Variants in GPM6A observed in about 807,000 individuals in gnomAD.
GPM6A encodes the protein neuronal membrane glycoprotein M6-a.
A neutral mutation model predicts 32.1 loss-of-function variants in GPM6A; 7 were observed. That is an observed-to-expected ratio of 0.22 (90% confidence interval 0.12 to 0.41). The LOEUF (loss-of-function observed/expected upper bound fraction) is 0.41, where lower values mean the gene tolerates loss of function less well. GPM6A is among the 10% of genes least tolerant of loss of function. GPM6A has a pLI of 1.00. For synonymous variants in GPM6A, 130 were observed against 123.4 expected, an observed-to-expected ratio of 1.05 and a Z score of -0.35; for missense variants, 235 against 347.2, an observed-to-expected ratio of 0.68 and a Z score of 2.57.
At chr4:175,650,887 A>G (rs1361391846) in intron 4 of GPM6A, among the ~76,000 whole-genome samples, 1 of 152,200 alleles carries the variant, frequency 6.6e-6, no homozygotes, top group Non-Finnish European at 1.5e-5. Context: ...GTCTGTTCAG[A>G]GAAAAAATAA....
Position 175,845,929 on chromosome 4 carries a change from C to A in GPM6A, c.-22-33680G>T, listed in dbSNP as rs111238172. Among the ~76,000 whole-genome samples the A allele has an allele frequency of 8.6e-3, 1,310 of 152,130 alleles. 10 individuals are homozygous for A. The highest frequency in any genetic ancestry group is 0.015 in the Non-Finnish European group (987 of 67,954). The stretch of plus-strand genomic sequence containing the variant: ...GCCTTCAAATGTAAGTTGTACTATA[C>A]CTTTTGTCATACTTAAAAGTAGAGA... On this transcript the variant is annotated intron_variant, in intron 1 of 7. Coordinates refer to the GPM6A transcript ENST00000280187.
At chr4:175,957,587 T>C (rs1740028809) in intron 1 of GPM6A, among the ~76,000 whole-genome samples, 2 of 152,012 alleles carry the variant, frequency 1.3e-5, no homozygotes, top group South Asian at 2.1e-4. Flanking sequence ...AGGGGAGTGA[T>C]AGCATTAGGA....
intron 1 of GPM6A, among the ~76,000 whole-genome samples, chr4:175,966,141 T>G (rs968466142): frequency 1.3e-5 from 2 of 152,114 alleles, no homozygotes; most frequent in Non-Finnish European, 2.9e-5. Flanking sequence ...TTGCAGTGGC[T>G]TATGCCTGTA....
At chr4:175,884,153 G>A (rs1002254484) in intron 1 of GPM6A, among the ~76,000 whole-genome samples, 6 of 152,140 alleles carry the variant, frequency 3.9e-5, no homozygotes, top group African/African-American at 1.4e-4. Flanking sequence ...TTGAATATTT[G>A]TCAAGCATTA....
At chr4:175,962,180 G>C (rs1740188479) in intron 1 of GPM6A, 5 of 1,087,288 alleles carry the variant, frequency 4.6e-6, no homozygotes, top group Non-Finnish European at 7.1e-6. Context: ...TCGAGCACCT[G>C]CTTTCTTTGC....
At chr4:175,703,315 G>A (rs1239247042) in intron 1 of GPM6A, among the ~76,000 whole-genome samples, 1 of 152,028 alleles carries the variant, frequency 6.6e-6, no homozygotes, top group Admixed American at 6.6e-5. Flanking sequence ...GGGACTACTG[G>A]CGCACGTCAC....
intron 1 of GPM6A, among the ~76,000 whole-genome samples, chr4:175,741,612 A>G (rs1439710482): frequency 6.6e-6 from 1 of 152,112 alleles, no homozygotes; most frequent in East Asian, 1.9e-4. Context: ...GGTTCTACAC[A>G]CTACTTTATA....
chr4:175,950,106 G>T (rs532370974), intron 1 of GPM6A, among the ~76,000 whole-genome samples: 6 of 152,090 alleles, frequency 3.9e-5, no homozygotes, highest in African/African-American at 1.4e-4. Context: ...ATTTTGCAAT[G>T]AATATAAAGG....
intron 1 of GPM6A, among the ~76,000 whole-genome samples, chr4:175,719,276 G>A (rs953202357): frequency 2.4e-4 from 36 of 151,046 alleles, no homozygotes; most frequent in African/African-American, 8.5e-4. Flanking sequence ...TCAGTTCACT[G>A]CAACCTCTGC....
chr4:175,831,738 T>TTTTTTAAGG (rs1735619790), intron 1 of GPM6A, among the ~76,000 whole-genome samples: 1 of 146,372 alleles, frequency 6.8e-6, no homozygotes, highest in Non-Finnish European at 1.5e-5. Context: ...TTTTTTTTTT[T>TTTTTTAAGG]GACGGAGGTT....
intron 1 of GPM6A, among the ~76,000 whole-genome samples, chr4:175,946,832 AT>A (rs1739624635): frequency 6.6e-6 from 1 of 152,158 alleles, no homozygotes; most frequent in Non-Finnish European, 1.5e-5. Flanking sequence ...AGTGTTTCTG[AT>A]TTGGGGAGTG....
chr4:175,811,493 A>G (rs2111330395), intron 1 of GPM6A, among the ~76,000 whole-genome samples: 1 of 152,310 alleles, frequency 6.6e-6, no homozygotes, highest in East Asian at 1.9e-4. Flanking sequence ...TCAACCTTCA[A>G]AAATGGAAAT....
At chr4:175,671,090 C>G (rs1307006615) in intron 3 of GPM6A, among the ~76,000 whole-genome samples, 2 of 151,734 alleles carry the variant, frequency 1.3e-5, no homozygotes, top group Non-Finnish European at 2.9e-5. Context: ...TCTACGAACT[C>G]CTAACCTCGT....
At chr4:175,835,208 A>G (rs945658818) in intron 1 of GPM6A, among the ~76,000 whole-genome samples, 1 of 152,216 alleles carries the variant, frequency 6.6e-6, no homozygotes, top group African/African-American at 2.4e-5. Flanking sequence ...TATAAACAGC[A>G]CATGAGAATA....
chr4:175,942,590 C>T (rs987085927), intron 1 of GPM6A, among the ~76,000 whole-genome samples: 6 of 152,134 alleles, frequency 3.9e-5, no homozygotes, highest in South Asian at 2.1e-4. Flanking sequence ...CAGTTTTCTG[C>T]GTATGGCTAG....
chr4:175,712,342 A>G (rs1017903331), intron 1 of GPM6A, among the ~76,000 whole-genome samples: 6 of 152,338 alleles, frequency 3.9e-5, no homozygotes, highest in Non-Finnish European at 5.9e-5. Flanking sequence ...ACTATGGCAG[A>G]GCCAGGAGGC....
chr4:175,820,074 A>G (rs555520446), intron 1 of GPM6A, among the ~76,000 whole-genome samples: 1 of 152,336 alleles, frequency 6.6e-6, no homozygotes, highest in South Asian at 2.1e-4. Flanking sequence ...AACAAATGCA[A>G]TTATCATCTA....
At chr4:175,890,274 T>C (rs1407480043) in intron 1 of GPM6A, among the ~76,000 whole-genome samples, 1 of 152,184 alleles carries the variant, frequency 6.6e-6, no homozygotes, top group Non-Finnish European at 1.5e-5. Context: ...GTCCATCCTA[T>C]AGAATCTGGT....
chr4:175,900,993 T>C (rs532225238), intron 1 of GPM6A, among the ~76,000 whole-genome samples: 23 of 152,064 alleles, frequency 1.5e-4, no homozygotes, highest in Admixed American at 1.2e-3. Context: ...GAGCTGGAGA[T>C]TACTATGTTA....
Sources: allele counts gnomAD v4.1 joint callset (sites outside exome capture counted in the v4.1 genomes callset), GRCh38; gene constraint gnomAD v4.1.1; transcripts MANE v1.5; gene names NCBI Gene and HGNC (gene_info 2026-07-23, HGNC 2026-07-21).